Variants in BMPR1B observed in about 807,000 individuals in gnomAD.
The protein encoded by BMPR1B is bone morphogenetic protein receptor type 1B.
Under a neutral mutation model 59.1 loss-of-function variants are expected in BMPR1B, and 12 were observed. The ratio of observed to expected loss-of-function variants is 0.20; its 90% CI spans 0.13 to 0.33. The LOEUF is 0.33. Among genes scored for constraint, BMPR1B ranks in the 10% least tolerant of loss-of-function variants. BMPR1B has a pLI of 1.00. For missense variants in BMPR1B, 550 were observed against 610.9 expected, an observed-to-expected ratio of 0.90 and a Z score of 1.05; for synonymous variants, 237 against 207.3, an observed-to-expected ratio of 1.14 and a Z score of -1.23.
chr4:94,997,806 C>A lies in BMPR1B; in HGVS notation c.-18+1672C>A, dbSNP rs77701618. ...ATTTGCTTTTGCCTTTGAGTAATAT[C>A]TCATGATCAAGATTGTAATTTCAGA... On this transcript the variant is annotated intron_variant, in intron 3 of 12. Coordinates refer to ENST00000515059, the MANE Select transcript of BMPR1B (RefSeq NM_001203.3). Among the ~76,000 whole-genome samples the A allele has an allele frequency of 4.0e-3, 613 of 152,214 alleles. 13 individuals carry two copies. The East Asian group carries it at 0.076, about 19-fold the overall frequency.
At chr4:94,950,207 T>G (rs567170689) in intron 2 of BMPR1B, among the ~76,000 whole-genome samples, 1 of 152,330 alleles carries the variant, frequency 6.6e-6, no homozygotes, top group East Asian at 1.9e-4. Flanking sequence ...GATGGATAGA[T>G]TGCAAAAATT....
intron 3 of BMPR1B, among the ~76,000 whole-genome samples, chr4:95,061,436 C>T (rs774339507): frequency 2.6e-5 from 4 of 151,928 alleles, no homozygotes; most frequent in African/African-American, 4.8e-5. Flanking sequence ...CAAGTAAGAA[C>T]GGAAGTAGTT....
chr4:95,154,693 ATC>A lies in BMPR1B; in HGVS notation c.*24_*25del. On this transcript the variant is annotated 3_prime_UTR_variant, in exon 13 of 13. Coordinates refer to ENST00000515059, the MANE Select transcript of BMPR1B (RefSeq NM_001203.3). The stretch of plus-strand genomic sequence containing the variant: ...CTCTGATAGGAGAGGAAAAGTAAGC[ATC>A]TCTGCAGAAAGCCAACAGGTACTCT... 1 of 1,613,776 alleles carries A rather than the reference ATC, an allele frequency of 6.2e-7. No individual in the cohort carries two copies. The highest frequency in any genetic ancestry group is 8.5e-7 in the Non-Finnish European group (1 of 1,179,742).
At chr4:94,765,040 AAGGC>A (rs1450628964) in intron 1 of BMPR1B, among the ~76,000 whole-genome samples, 2 of 152,282 alleles carry the variant, frequency 1.3e-5, no homozygotes, top group Admixed American at 6.5e-5. Flanking sequence ...AAGCAACTGA[AAGGC>A]AGGGCATGTC....
At chr4:94,813,283 G>A (rs1003549307) in intron 1 of BMPR1B, among the ~76,000 whole-genome samples, 2 of 152,138 alleles carry the variant, frequency 1.3e-5, no homozygotes, top group African/African-American at 4.8e-5. Context: ...TGACACTTGA[G>A]GGTTCTTCTG....
At chr4:95,038,776 G>A (rs1480182477) in intron 3 of BMPR1B, among the ~76,000 whole-genome samples, 1 of 152,154 alleles carries the variant, frequency 6.6e-6, no homozygotes, top group East Asian at 1.9e-4. Context: ...GATGTAGTGA[G>A]GACTCTGAAG....
chr4:95,110,033 T>A (rs1410308305), intron 4 of BMPR1B, among the ~76,000 whole-genome samples: 1 of 151,792 alleles, frequency 6.6e-6, no homozygotes, highest in Non-Finnish European at 1.5e-5. Flanking sequence ...TACCTCTCAT[T>A]AGTCATCAAT....
intron 2 of BMPR1B, among the ~76,000 whole-genome samples, chr4:94,980,031 A>G (rs1731174536): frequency 6.6e-6 from 1 of 152,198 alleles, no homozygotes; most frequent in South Asian, 2.1e-4. Flanking sequence ...ACACAAATAT[A>G]TCTTCACAGG....
chr4:95,123,983 T>C (rs1326858725), intron 7 of BMPR1B, 77 bp downstream of exon 7: 2 of 1,015,310 alleles, frequency 2.0e-6, no homozygotes, highest in Admixed American at 1.8e-5. Flanking sequence ...TTTTGCCTGT[T>C]AGTGTTTCTC....
rs577197455 is a variant in BMPR1B, at chr4:94,862,549, A to G, written c.-182-13282A>G. 4.6e-5 allele frequency among the ~76,000 whole-genome samples: 7 copies of G among 151,272 alleles called. No homozygotes were observed. The South Asian group carries it at 1.5e-3, about 32-fold the overall frequency. On this transcript the variant is annotated intron_variant, in intron 1 of 12. Coordinates refer to ENST00000515059, the MANE Select transcript of BMPR1B (RefSeq NM_001203.3). The stretch of plus-strand genomic sequence containing the variant: ...CCAGGCATGGTGGCTCATGCCTGTA[A>G]TCCTAGCACTTTGGGAGGCCAGAGG...
intron 1 of BMPR1B, among the ~76,000 whole-genome samples, chr4:94,825,042 C>T (rs913484222): frequency 9.2e-5 from 14 of 152,134 alleles, no homozygotes; most frequent in Non-Finnish European, 1.8e-4. Context: ...AGTGGATGTT[C>T]ATGTAGTTTT....
At chr4:95,011,465 C>G (rs1723223744) in intron 3 of BMPR1B, among the ~76,000 whole-genome samples, 2 of 152,182 alleles carry the variant, frequency 1.3e-5, no homozygotes, top group African/African-American at 4.8e-5. Flanking sequence ...TGGCTTCCAT[C>G]TTCGGTGACA....
At chr4:95,029,685 G>A (rs1307666929) in intron 3 of BMPR1B, among the ~76,000 whole-genome samples, 5 of 152,184 alleles carry the variant, frequency 3.3e-5, no homozygotes, top group South Asian at 4.2e-4. Context: ...CTGAGGAATC[G>A]CCACACTGAC....
intron 2 of BMPR1B, among the ~76,000 whole-genome samples, chr4:94,982,409 G>A (rs1721140657): frequency 6.6e-6 from 1 of 152,112 alleles, no homozygotes; most frequent in Non-Finnish European, 1.5e-5. Context: ...GGCTGCTTAT[G>A]TAATTAGACT....
In BMPR1B at chr4:95,124,973, C is replaced by T; in HGVS notation, c.447-10C>T. 1 of 1,608,610 alleles carries T rather than the reference C, an allele frequency of 6.2e-7. No individual in the cohort carries two copies. ...ATTATCTAAAATTATCTTCATCTAT[C>T]CATCTTTAGGTATAAAAGACAAGAA... On this transcript the variant is annotated splice_polypyrimidine_tract_variant and intron_variant, in intron 7 of 12. Coordinates refer to ENST00000515059, the MANE Select transcript of BMPR1B (RefSeq NM_001203.3).
At chr4:95,082,813 C>T (rs1487059356) in intron 3 of BMPR1B, among the ~76,000 whole-genome samples, 5 of 151,634 alleles carry the variant, frequency 3.3e-5, no homozygotes, top group East Asian at 3.9e-4. Context: ...CCGAGGCGGG[C>T]GGATCACGAG....
chr4:95,000,693 A>G lies in BMPR1B; in HGVS notation c.-18+4559A>G, dbSNP rs531944431. On this transcript the variant is annotated intron_variant, in intron 3 of 12. Coordinates refer to ENST00000515059, the MANE Select transcript of BMPR1B (RefSeq NM_001203.3). ...GAAATATACCAAGTTCCTGTTAGCCAGTGAGGAGGGAAACCCAAGCTTGCC... is the reference window on the plus strand; with the variant it reads ...GAAATATACCAAGTTCCTGTTAGCCGGTGAGGAGGGAAACCCAAGCTTGCC... Among the ~76,000 whole-genome samples the G allele has an allele frequency of 2.3e-4, 35 of 152,264 alleles. 1 individual carries two copies. Among genetic ancestry groups the G allele is most frequent in the African/African-American group, 8.2e-4 (34 of 41,542 alleles).
intron 2 of BMPR1B, among the ~76,000 whole-genome samples, chr4:94,985,917 G>A (rs1721376394): frequency 6.6e-6 from 1 of 152,176 alleles, no homozygotes; most frequent in Non-Finnish European, 1.5e-5. Context: ...TCTACAGACT[G>A]TTAGGAGTTG....
chr4:94,843,918 A>T (rs1725205896), intron 1 of BMPR1B, among the ~76,000 whole-genome samples: 1 of 152,166 alleles, frequency 6.6e-6, no homozygotes, highest in Non-Finnish European at 1.5e-5. Context: ...TGCAGCTCTA[A>T]ACCAGAAACT....
Sources: allele counts gnomAD v4.1 joint callset (sites outside exome capture counted in the v4.1 genomes callset), GRCh38; gene constraint gnomAD v4.1.1; transcripts MANE v1.5; gene names NCBI Gene and HGNC (gene_info 2026-07-23, HGNC 2026-07-21).